The following NOD2 variants were observed in gnomAD, a reference collection of about 807,000 sequenced individuals.
NOD2 encodes the protein nucleotide binding oligomerization domain containing 2, also known as nucleotide-binding oligomerization domain-containing protein 2.
NOD2 carries 86 observed loss-of-function variants against 90.9 expected under a neutral mutation model. That is an observed-to-expected ratio of 0.95 (90% CI 0.79 to 1.13). NOD2 has a LOEUF of 1.13. NOD2 is among the 50% of genes most tolerant of loss of function. The probability of loss-of-function intolerance (pLI) is 0.00; values close to 1 mark genes in which losing one functional copy is unlikely to be tolerated. For synonymous variants in NOD2, 581 were observed against 554.6 expected (o/e 1.05, Z -0.67); for missense variants, 1,238 against 1,283.8 (o/e 0.96, Z 0.55).
intron 2 of NOD2, among the ~76,000 whole-genome samples, chr16:50,703,683 CAA>C (rs1043742883): frequency 1.3e-3 from 76 of 56,422 alleles, no homozygotes; most frequent in African/African-American, 3.1e-3. Flanking sequence ...GACTCTGTCT[CAA>C]AAAAAAAAAA....
chr16:50,702,745 A>G (rs6500328), intron 2 of NOD2, among the ~76,000 whole-genome samples: 61,883 of 152,124 alleles, frequency 0.41, 12,919 homozygotes, highest in African/African-American at 0.45. Flanking sequence ...TCACAAGGGT[A>G]TAGTGTGACT....
intron 10 of NOD2, 47 bp downstream of exon 10, chr16:50,725,619 G>T: frequency 6.9e-7 from 1 of 1,443,346 alleles, no homozygotes; most frequent in Non-Finnish European, 9.8e-7. Flanking sequence ...GCTGGCCTTT[G>T]GAAGGGGCAT....
In NOD2 at chr16:50,699,600, C is replaced by T. The variant is rs367895771; in HGVS notation, c.105C>T (p.Ser35=). 6.2e-6 allele frequency: 10 copies of T among 1,614,060 alleles called. No individual in the cohort carries two copies. Among genetic ancestry groups the T allele is most frequent in the Non-Finnish European group, 8.5e-6 (10 of 1,179,974 alleles). The change falls in exon 2 of 12, where the codon TCC becomes TCT. Residue 35 remains serine (S), a synonymous_variant. Coordinates refer to ENST00000647318, the MANE Select transcript of NOD2 (RefSeq NM_001370466.1). Reference sequence around the variant, plus strand: ...AGAGTGTCCTGGACTGGCTGCTGTCCTGGGAGGTCCTCTCCTGGGAGGACT... The same window carrying T: ...AGAGTGTCCTGGACTGGCTGCTGTCTTGGGAGGTCCTCTCCTGGGAGGACT... ...GFESVLDWLL[S]WEVLSWEDYE...
intron 2 of NOD2, among the ~76,000 whole-genome samples, chr16:50,700,421 G>A (rs894096942): frequency 6.6e-6 from 1 of 152,186 alleles, no homozygotes; most frequent in African/African-American, 2.4e-5. Context: ...ACTTTGCCTG[G>A]CCAACAGAAC....
At position 50,710,577 on chromosome 16, in the gene NOD2, T is replaced by C. The variant is rs2150807161; in HGVS notation, c.585T>C (p.Tyr195=). 1.2e-6 allele frequency: 2 copies of C among 1,614,192 alleles called. No individual in the cohort carries two copies. Among genetic ancestry groups the C allele is most frequent in the Non-Finnish European group, 1.7e-6 (2 of 1,180,046 alleles). Residue 195 remains tyrosine, a synonymous_variant, in exon 4 of 12, where the codon TAT becomes TAC. Coordinates refer to ENST00000647318, the MANE Select transcript of NOD2 (RefSeq NM_001370466.1). ...TTCCAGCTGCCACATGCAAGAAGTA[T>C]ATGGCCAAGCTGAGGACCACGGTGT... ...LPLEAATCKK[Y]MAKLRTTVSA... is the part of the protein sequence containing the mutation.
chr16:50,721,349 G>A (rs968706425), intron 7 of NOD2, among the ~76,000 whole-genome samples: 1 of 141,544 alleles, frequency 7.1e-6, no homozygotes, highest in African/African-American at 2.8e-5. Context: ...GATACAAAGT[G>A]TTCTGTAACT....
chr16:50,720,278 G>A (rs1176834434), intron 7 of NOD2, among the ~76,000 whole-genome samples: 2 of 152,160 alleles, frequency 1.3e-5, no homozygotes, highest in African/African-American at 2.4e-5. Context: ...GGGGGCGCTA[G>A]GGCTGTACTT....
In NOD2 at chr16:50,699,812, A is replaced by G. The variant is rs1371541012; in HGVS notation, c.317A>G (p.Asp106Gly). 4 of 1,613,560 alleles carry G rather than the reference A, an allele frequency of 2.5e-6. No individual in the cohort carries two copies. Among genetic ancestry groups the G allele is most frequent in the Middle Eastern group, 1.6e-4 (1 of 6,082 alleles). ...CCCCACTCGCTCCACCCAGCCCGAG[A>G]CCTGCAGAGTCACCGGCCAGCCATT... Reference protein sequence around the residue: ...WDPHSLHPARDLQSHRPAIVR... With the variant: ...WDPHSLHPARGLQSHRPAIVR... The change falls in exon 2 of 12, where the codon GAC (aspartate) becomes GGC (glycine). Residue 106 changes from aspartate to glycine, a missense_variant. This residue lies in a region of NOD2 where 567 missense variants were observed against 577.3 expected (regional missense o/e 0.98). Coordinates refer to ENST00000647318, the MANE Select transcript of NOD2 (RefSeq NM_001370466.1).
chr16:50,716,940 C>A lies in NOD2; in HGVS notation c.2515C>A (p.Leu839Ile). 6.2e-7 allele frequency: 1 copy of A among 1,614,258 alleles called. No homozygotes were observed. Among genetic ancestry groups the A allele is most frequent in the African/African-American group, 1.3e-5 (1 of 75,074 alleles). ...CGGCTGTGCACACTCCATGGCTAAGCTCCTTGCATGCAGGCAGAACTTCTT... is the reference window on the plus strand; with the variant it reads ...CGGCTGTGCACACTCCATGGCTAAGATCCTTGCATGCAGGCAGAACTTCTT... Reference protein sequence around the residue: ...TDGCAHSMAKLLACRQNFLAL... With the variant: ...TDGCAHSMAKILACRQNFLAL... The change falls in exon 6 of 12, where the codon CTC becomes ATC. Residue 839 changes from leucine to isoleucine, a missense_variant. Coordinates refer to ENST00000647318, the MANE Select transcript of NOD2 (RefSeq NM_001370466.1).
In NOD2 at chr16:50,711,487, A is replaced by G. The variant is rs1020669798; in HGVS notation, c.1495A>G (p.Thr499Ala). 5 of 1,611,852 alleles carry G rather than the reference A, an allele frequency of 3.1e-6. No homozygotes were observed. In the African/African-American group the frequency reaches 6.7e-5, roughly 22 times the overall value. The change falls in exon 4 of 12, where the codon ACC (threonine) becomes GCC (alanine). Residue 499 changes from threonine (T) to alanine (A), a missense_variant. Transcript: ENST00000647318. ...TCTGCAGCATTTTCTGCTGCATGCCACCCCCCCAGACTCAGCTTCCCAAGG... is the reference window on the plus strand; with the variant it reads ...TCTGCAGCATTTTCTGCTGCATGCCGCCCCCCCAGACTCAGCTTCCCAAGG... ...LILQHFLLHA[T>A]PPDSASQGLG...
At position 50,732,080 on chromosome 16, in the gene NOD2, A is replaced by G. The variant is rs952509659; in HGVS notation, c.*261A>G. On this transcript the variant is annotated 3_prime_UTR_variant, in exon 12 of 12. Coordinates refer to ENST00000647318, the MANE Select transcript of NOD2 (RefSeq NM_001370466.1). ...ATTCAATCCCAGGATGTACAAGGAC[A>G]GCCCCTCCTCCATAGTATGGGACTG... 3.8e-5 allele frequency: 19 copies of G among 501,944 alleles called. No homozygotes were observed. In the Admixed American group the frequency reaches 4.4e-4, roughly 12 times the overall value. The allele number at this position is 501,944 out of a possible 1,614,324, so 31.1% of individuals were successfully genotyped here.
chr16:50,710,945 T>C lies in NOD2; in HGVS notation c.953T>C (p.Val318Ala), dbSNP rs766219817. ...CAGTGCATGGCCAAACCACTCTCTG[T>C]GCGGACTCTACTCTTTGAGCACTGC... ...QLQCMAKPLSVRTLLFEHCCW... is the reference protein window; with the variant it reads ...QLQCMAKPLSARTLLFEHCCW... The change falls in exon 4 of 12, where the codon GTG becomes GCG. Residue 318 changes from valine to alanine, a missense_variant. Physicochemically the swap from Val to Ala is moderately conservative, Grantham distance 64 (BLOSUM62 0). This residue lies in a region of NOD2 where 567 missense variants were observed against 577.3 expected (regional missense o/e 0.98). Transcript: ENST00000647318. 9 of 1,614,206 alleles carry C rather than the reference T, an allele frequency of 5.6e-6. No homozygotes were observed. Among genetic ancestry groups the C allele is most frequent in the Non-Finnish European group, 7.6e-6 (9 of 1,180,038 alleles).
chr16:50,694,676 C>T (rs539076466), intron 1 of NOD2, among the ~76,000 whole-genome samples: 1 of 152,316 alleles, frequency 6.6e-6, no homozygotes, highest in South Asian at 2.1e-4. Context: ...AGATTCTACA[C>T]CTTGGTTCCA....
chr16:50,723,216 A>G, intron 8 of NOD2, 85 bp from the exon 9 acceptor site: 1 of 1,042,444 alleles, frequency 9.6e-7, no homozygotes. Flanking sequence ...CCAGGAGAGC[A>G]CCACGAATTT....
At chr16:50,709,709 T>G (rs1188410372) in intron 3 of NOD2, among the ~76,000 whole-genome samples, 1 of 152,100 alleles carries the variant, frequency 6.6e-6, no homozygotes, top group Non-Finnish European at 1.5e-5. Context: ...AAGTTTAACT[T>G]TATCACATCT....
rs370224479 is a variant in NOD2 at position 50,704,718 on chromosome 16, A to G, written c.460-3137A>G. The stretch of plus-strand genomic sequence containing the variant: ...CCTTTAGTAGAGATGGGGTTTTGCT[A>G]TGTTGGCCAGGCTGGTCTTGAACTT... On this transcript the variant is annotated intron_variant, in intron 2 of 11. Transcript: ENST00000647318. 5.1e-4 allele frequency among the ~76,000 whole-genome samples: 78 copies of G among 152,120 alleles called. 1 individual carries two copies. The highest frequency in any genetic ancestry group is 1.4e-3 in the African/African-American group (57 of 41,508).
At chr16:50,698,273 A>G (rs561276676) in intron 1 of NOD2, among the ~76,000 whole-genome samples, 1 of 152,240 alleles carries the variant, frequency 6.6e-6, no homozygotes, top group African/African-American at 2.4e-5. Flanking sequence ...AAGCTCCTGG[A>G]GGGTCACTTG....
intron 1 of NOD2, chr16:50,696,474 C>G (rs543173932): frequency 1.1e-4 from 17 of 152,244 alleles, no homozygotes; most frequent in Admixed American, 1.0e-3. Context: ...AGGGGAAGCC[C>G]GACCAGGTAA....
At chr16:50,709,660 A>C (rs937412859) in intron 3 of NOD2, among the ~76,000 whole-genome samples, 1 of 152,096 alleles carries the variant, frequency 6.6e-6, no homozygotes, top group African/African-American at 2.4e-5. Flanking sequence ...TTCCCTTGCT[A>C]GGTCCACCCA....
Sources: gnomAD v4.1 joint callset for allele counts (sites outside exome capture counted in the v4.1 genomes callset) on GRCh38, gnomAD v4.1.1 for gene constraint, gnomAD v4.1.1 regional missense constraint, MANE v1.5 for transcripts, NCBI Gene and HGNC (gene_info 2026-07-23, HGNC 2026-07-21) for gene names.